The following CEP112 variants were observed in gnomAD, a reference collection of about 807,000 sequenced individuals.
CEP112 encodes the protein centrosomal protein 112.
Under a neutral mutation model 153.0 loss-of-function variants are expected in CEP112, and 127 were observed. The ratio of observed to expected loss-of-function variants is 0.83; its 90% CI spans 0.72 to 0.96. The LOEUF is 0.96. Ranked by LOEUF, CEP112 falls within the 40% of genes least tolerant of loss-of-function variation. The probability of loss-of-function intolerance (pLI) is 0.00; values close to 1 mark genes in which losing one functional copy is unlikely to be tolerated. For missense variants in CEP112, 1,089 were observed against 1,101.2 expected (o/e 0.99, Z 0.16); for synonymous variants, 358 against 374.4 (o/e 0.96, Z 0.51).
In CEP112 at chr17:65,816,292, ATTTTTTATTCC is replaced by A. The variant is rs551429144; in HGVS notation, c.2394+35501_2394+35511del. Among the ~76,000 whole-genome samples the A allele has an allele frequency of 1.6e-4, 25 of 152,046 alleles. No homozygotes were observed. In the South Asian group the frequency reaches 4.8e-3, roughly 29 times the overall value. On this transcript the variant is annotated intron_variant, in intron 21 of 26. Coordinates refer to ENST00000535342, the MANE Select transcript of CEP112 (RefSeq NM_001199165.4). ...TAAGTTGTTTTTTAAAAAAATTTTAATTTTTTATTCCCATAGGTTATTGGGGAACAGGTGGT... is the reference window on the plus strand; with the variant it reads ...TAAGTTGTTTTTTAAAAAAATTTTAACATAGGTTATTGGGGAACAGGTGGT...
intron 22 of CEP112, among the ~76,000 whole-genome samples, chr17:65,747,364 G>A (rs1420530153): frequency 6.6e-6 from 1 of 152,150 alleles, no homozygotes; most frequent in African/African-American, 2.4e-5. Context: ...TCAGGCATTG[G>A]GTAGTGTGGG....
At chr17:65,727,768 A>G (rs1413772667) in intron 23 of CEP112, among the ~76,000 whole-genome samples, 1 of 152,130 alleles carries the variant, frequency 6.6e-6, no homozygotes, top group African/African-American at 2.4e-5. Flanking sequence ...AACATATAGG[A>G]CCCAGCTAGG....
At chr17:65,871,271 G>A (rs960303083) in intron 20 of CEP112, among the ~76,000 whole-genome samples, 5 of 152,138 alleles carry the variant, frequency 3.3e-5, no homozygotes, top group African/African-American at 1.2e-4. Context: ...TTCTTATCAT[G>A]ACTTCTAACG....
At chr17:65,959,563 C>T (rs749073317) in intron 18 of CEP112, among the ~76,000 whole-genome samples, 59 of 152,202 alleles carry the variant, frequency 3.9e-4, no homozygotes, top group Non-Finnish European at 6.9e-4. Flanking sequence ...CAGACCTGGG[C>T]GCTCCCGAGC....
chr17:66,104,286 C>A (rs1375529182), intron 6 of CEP112, among the ~76,000 whole-genome samples: 1 of 152,136 alleles, frequency 6.6e-6, no homozygotes, highest in Non-Finnish European at 1.5e-5. Context: ...GATACCAGCT[C>A]AGCCACAGTA....
chr17:65,852,312 TCCC>T (rs2057974985), intron 20 of CEP112, among the ~76,000 whole-genome samples: 2 of 69,052 alleles, frequency 2.9e-5, no homozygotes, highest in Non-Finnish European at 5.6e-5. Context: ...TCCCTTCCCT[TCCC>T]TTTCCTTCCC....
At chr17:65,735,651 A>G (rs1489310176) in intron 23 of CEP112, among the ~76,000 whole-genome samples, 3 of 152,238 alleles carry the variant, frequency 2.0e-5, no homozygotes, top group Admixed American at 2.0e-4. Flanking sequence ...ATTTTTAACC[A>G]TAAGTACATG....
At chr17:65,945,847 A>G (rs1440493756) in intron 18 of CEP112, among the ~76,000 whole-genome samples, 2 of 152,062 alleles carry the variant, frequency 1.3e-5, no homozygotes, top group Non-Finnish European at 2.9e-5. Flanking sequence ...GGGTTTCACC[A>G]TGTTGGCCAG....
At chr17:65,897,612 T>C (rs1188134554) in intron 20 of CEP112, among the ~76,000 whole-genome samples, 2 of 152,128 alleles carry the variant, frequency 1.3e-5, no homozygotes, top group East Asian at 3.8e-4. Flanking sequence ...TAGAATTTGC[T>C]AGGCTGTGAC....
Position 65,804,156 on chromosome 17 carries a change from T to C in CEP112, c.2394+47648A>G, listed in dbSNP as rs114189805. ...AGTTGGGATTAATTACTTTTAATTTTTAAAAATGTGTTTCGTCTGGTTTCC... is the reference window on the plus strand; with the variant it reads ...AGTTGGGATTAATTACTTTTAATTTCTAAAAATGTGTTTCGTCTGGTTTCC... On this transcript the variant is annotated intron_variant, in intron 21 of 26. Coordinates refer to ENST00000535342, the MANE Select transcript of CEP112 (RefSeq NM_001199165.4). Among the ~76,000 whole-genome samples the C allele has an allele frequency of 1.6e-3, 241 of 152,310 alleles. 1 individual carries two copies. The highest frequency in any genetic ancestry group is 5.6e-3 in the African/African-American group (231 of 41,586).
intron 24 of CEP112, among the ~76,000 whole-genome samples, chr17:65,684,761 CA>C (rs2047699213): frequency 6.6e-6 from 1 of 152,156 alleles, no homozygotes. Context: ...TGGGAGTAAG[CA>C]GACCACTTAC....
intron 12 of CEP112, among the ~76,000 whole-genome samples, chr17:66,031,308 C>T (rs2065454465): frequency 6.6e-6 from 1 of 150,960 alleles, no homozygotes; most frequent in Non-Finnish European, 1.5e-5. Context: ...ATTTGTATTC[C>T]TTCGTCTCTT....
chr17:66,113,083 TAAATA>T (rs977841025), intron 6 of CEP112, among the ~76,000 whole-genome samples: 3 of 151,592 alleles, frequency 2.0e-5, no homozygotes, highest in African/African-American at 7.3e-5. Flanking sequence ...AAAAAGTAAA[TAAATA>T]AAATAAAATA....
At chr17:65,764,741 T>C (rs367952449) in intron 21 of CEP112, among the ~76,000 whole-genome samples, 172 of 151,938 alleles carry the variant, frequency 1.1e-3, no homozygotes, top group African/African-American at 3.9e-3. Flanking sequence ...TGTCTTTGGA[T>C]TGGAAAATTT....
intron 4 of CEP112, among the ~76,000 whole-genome samples, chr17:66,153,960 C>T (rs917809567): frequency 6.8e-5 from 10 of 146,404 alleles, no homozygotes; most frequent in African/African-American, 1.5e-4. Context: ...GTCAGGAGTT[C>T]GAGACCAGCC....
At chr17:66,015,417 C>G (rs1422935855) in intron 16 of CEP112, among the ~76,000 whole-genome samples, 1 of 152,088 alleles carries the variant, frequency 6.6e-6, no homozygotes, top group Non-Finnish European at 1.5e-5. Flanking sequence ...TTTTGCTTAT[C>G]CTTAGGCTGA....
intron 4 of CEP112, among the ~76,000 whole-genome samples, chr17:66,149,222 T>C (rs943005443): frequency 7.2e-5 from 11 of 152,240 alleles, no homozygotes; most frequent in African/African-American, 2.7e-4. Context: ...TAATGTGCTG[T>C]TGAATTCAGT....
chr17:65,899,444 A>C (rs1202319517), intron 20 of CEP112, among the ~76,000 whole-genome samples: 1 of 152,160 alleles, frequency 6.6e-6, no homozygotes, highest in Non-Finnish European at 1.5e-5. Flanking sequence ...AGACTACTTC[A>C]TTGTTCTTGG....
intron 6 of CEP112, among the ~76,000 whole-genome samples, chr17:66,108,520 C>T (rs143713940): frequency 1.1e-3 from 174 of 152,108 alleles, no homozygotes; most frequent in African/African-American, 3.8e-3. Flanking sequence ...AGATGTTTAA[C>T]ATTACTGATC....
Sources: allele counts gnomAD v4.1 joint callset (sites outside exome capture counted in the v4.1 genomes callset), GRCh38; gene constraint gnomAD v4.1.1; transcripts MANE v1.5; gene names NCBI Gene and HGNC (gene_info 2026-07-23, HGNC 2026-07-21).